The following EVL variants were observed in gnomAD, a reference collection of about 807,000 sequenced individuals.
EVL encodes Enah/Vasp-like.
EVL carries 21 observed loss-of-function variants against 59.6 expected under a neutral mutation model. The ratio of observed to expected loss-of-function variants is 0.35; its 90% CI spans 0.25 to 0.51. The LOEUF (loss-of-function observed/expected upper bound fraction) is 0.51. Among genes scored for constraint, EVL ranks in the 20% least tolerant of loss-of-function variants. The pLI is 0.97. For synonymous variants in EVL, 198 were observed against 203.5 expected, an observed-to-expected ratio of 0.97 and a Z score of 0.23; for missense variants, 462 against 546.6, an observed-to-expected ratio of 0.85 and a Z score of 1.54.
In EVL at chr14:100,137,816, C is replaced by G. The variant is rs1256480468; in HGVS notation, c.1094+14C>G. 3 of 1,613,688 alleles carry G rather than the reference C, an allele frequency of 1.9e-6. No individual in the cohort carries two copies. Among genetic ancestry groups the G allele is most frequent in the East Asian group, 2.2e-5 (1 of 44,888 alleles). On this transcript the variant is annotated intron_variant, in intron 11 of 13. Transcript: ENST00000392920. ...GCCTCACTCTAGGTACCGAACAACC[C>G]TCCTGCTCACATGTCCCCCAGGGTT...
At chr14:100,018,151 A>C (rs1470676856) in intron 1 of EVL, among the ~76,000 whole-genome samples, 2 of 152,268 alleles carry the variant, frequency 1.3e-5, no homozygotes. Flanking sequence ...CAGGAGAGGC[A>C]AACACAATGT....
intron 8 of EVL, among the ~76,000 whole-genome samples, chr14:100,134,053 C>G (rs191459422): frequency 6.6e-6 from 1 of 152,216 alleles, no homozygotes; most frequent in South Asian, 2.1e-4. Context: ...TGCACAGGCA[C>G]GACTGCTTGT....
At chr14:100,103,187 A>ATTT (rs143706344) in intron 3 of EVL, among the ~76,000 whole-genome samples, 22 of 142,538 alleles carry the variant, frequency 1.5e-4, no homozygotes, top group African/African-American at 5.5e-4. Flanking sequence ...TTTCCCAGAG[A>ATTT]GTTTTTTTTT....
chr14:99,981,087 G>T (rs2140170437), intron 1 of EVL, among the ~76,000 whole-genome samples: 1 of 150,576 alleles, frequency 6.6e-6, no homozygotes, highest in African/African-American at 2.5e-5. Flanking sequence ...AAAAAAAAAA[G>T]TGTAGGCATC....
At chr14:100,078,471 T>C (rs2062214660) in intron 1 of EVL, among the ~76,000 whole-genome samples, 1 of 151,646 alleles carries the variant, frequency 6.6e-6, no homozygotes, top group African/African-American at 2.4e-5. Flanking sequence ...AAAGCACACA[T>C]TGGAGCTGGA....
At chr14:100,086,936 C>A (rs80298448) in intron 2 of EVL, among the ~76,000 whole-genome samples, 1 of 152,154 alleles carries the variant, frequency 6.6e-6, no homozygotes, top group Non-Finnish European at 1.5e-5. Context: ...GAAATCTGGT[C>A]CATAACAACT....
At chr14:100,013,295 TAG>T (rs2061028549) in intron 1 of EVL, among the ~76,000 whole-genome samples, 2 of 152,250 alleles carry the variant, frequency 1.3e-5, no homozygotes, top group Admixed American at 1.3e-4. Flanking sequence ...TCAGGAGTTT[TAG>T]AGATCAGTTG....
At chr14:100,025,438 G>T (rs1459135971) in intron 1 of EVL, among the ~76,000 whole-genome samples, 2 of 152,116 alleles carry the variant, frequency 1.3e-5, no homozygotes, top group Admixed American at 6.5e-5. Flanking sequence ...GTCTCTTCCA[G>T]GTCTCTACTC....
chr14:100,039,616 G>A (rs976148737), intron 1 of EVL, among the ~76,000 whole-genome samples: 2 of 152,214 alleles, frequency 1.3e-5, no homozygotes, highest in Non-Finnish European at 2.9e-5. Flanking sequence ...TAGAGTTACT[G>A]AAGTGTTGAA....
At chr14:100,121,923 G>A (rs892922454) in intron 3 of EVL, among the ~76,000 whole-genome samples, 2 of 152,204 alleles carry the variant, frequency 1.3e-5, no homozygotes, top group Non-Finnish European at 2.9e-5. Flanking sequence ...AGACAGGGTC[G>A]CTGGGACAGG....
chr14:100,097,275 T>C (rs551150516), intron 2 of EVL, among the ~76,000 whole-genome samples: 12 of 152,166 alleles, frequency 7.9e-5, no homozygotes, highest in Non-Finnish European at 1.8e-4. Flanking sequence ...GCATTATTAG[T>C]TAAAGGAAAG....
rs567960593 is a variant in EVL at position 100,114,794 on chromosome 14, G to A, written c.359-8745G>A. 5.9e-5 allele frequency among the ~76,000 whole-genome samples: 9 copies of A among 152,244 alleles called. No homozygotes were observed. Among genetic ancestry groups the A allele is most frequent in the East Asian group, 1.9e-4 (1 of 5,156 alleles). On this transcript the variant is annotated intron_variant, in intron 3 of 13. Transcript: ENST00000392920. The surrounding 1 kb of genome is among the most constrained non-coding windows in gnomAD (Gnocchi z 5.0). ...CTCTCCTTTCACTCCCACCTGCTCC[G>A]GGGGTGGGGGTGGGAGTGCTGGATC... is the stretch of plus-strand genomic sequence containing the variant.
rs561421907 is a variant in EVL, at chr14:99,996,003, T to G, written c.5+23946T>G. On this transcript the variant is annotated intron_variant, in intron 1 of 13. Transcript: ENST00000402714. ...CAGTTGCAGTGATCTTTGTTTTCAG[T>G]GGCTTCCAACCTGGTGCCCACTTCT... is the stretch of plus-strand genomic sequence containing the variant. 7.9e-5 allele frequency among the ~76,000 whole-genome samples: 12 copies of G among 152,286 alleles called. No homozygotes were observed. In the East Asian group the frequency reaches 2.1e-3, roughly 27 times the overall value.
intron 1 of EVL, among the ~76,000 whole-genome samples, chr14:100,041,748 A>G (rs987208150): frequency 1.3e-5 from 2 of 152,248 alleles, no homozygotes; most frequent in Non-Finnish European, 2.9e-5. Flanking sequence ...CTTAGACCCC[A>G]TAAATGAATG....
At chr14:100,132,808 G>A in intron 8 of EVL, 29 bp downstream of exon 8, 1 of 1,612,672 alleles carries the variant, frequency 6.2e-7, no homozygotes, top group African/African-American at 1.3e-5. Context: ...CCACCCTCAG[G>A]CTCCCCACTG....
intron 1 of EVL, chr14:100,074,575 T>C (rs1472473257): frequency 1.3e-5 from 2 of 152,816 alleles, no homozygotes; most frequent in African/African-American, 4.8e-5. Context: ...GAGCTGGAGC[T>C]GTTGTCCACA....
chr14:100,061,299 C>T (rs907901650), upstream of EVL, among the ~76,000 whole-genome samples: 1 of 150,480 alleles, frequency 6.6e-6, no homozygotes, highest in Non-Finnish European at 1.5e-5. Flanking sequence ...TCCTTAGTCC[C>T]AGCTACTCAG....
intron 5 of EVL, among the ~76,000 whole-genome samples, chr14:100,128,037 G>T (rs60195773): frequency 1.3e-5 from 2 of 152,076 alleles, no homozygotes; most frequent in South Asian, 4.1e-4. Flanking sequence ...TCGGCATTGC[G>T]CCCTGACCCA....
intron 1 of EVL, among the ~76,000 whole-genome samples, chr14:100,014,096 C>T (rs2061034916): frequency 6.6e-6 from 1 of 152,018 alleles, no homozygotes. Flanking sequence ...ACTGTAATCA[C>T]CCTATTGTGC....
Sources: allele counts gnomAD v4.1 joint callset (sites outside exome capture counted in the v4.1 genomes callset), GRCh38; gene constraint gnomAD v4.1.1; non-coding constraint Gnocchi (gnomAD v3.1); transcripts MANE v1.5; gene names NCBI Gene and HGNC (gene_info 2026-07-23, HGNC 2026-07-21).